The following TOX variants were observed in gnomAD, a reference collection of about 807,000 sequenced individuals.
TOX encodes the protein thymocyte selection-associated high mobility group box protein TOX.
TOX carries 11 observed loss-of-function variants against 53.7 expected under a neutral mutation model. That is an observed-to-expected ratio of 0.20 (90% confidence interval 0.13 to 0.34). The LOEUF is 0.34. TOX is among the 10% of genes least tolerant of loss of function. The pLI is 1.00. For synonymous variants in TOX, 225 were observed against 245.3 expected, an observed-to-expected ratio of 0.92 and a Z score of 0.77; for missense variants, 570 against 664.6, an observed-to-expected ratio of 0.86 and a Z score of 1.56.
chr8:58,921,276 C>T (rs1812070903), intron 3 of TOX, among the ~76,000 whole-genome samples: 1 of 152,148 alleles, frequency 6.6e-6, no homozygotes, highest in Non-Finnish European at 1.5e-5. Context: ...GATCTATTGA[C>T]ATTAAGAATG....
chr8:58,923,867 TG>T (rs2129174989), intron 3 of TOX, among the ~76,000 whole-genome samples: 1 of 152,304 alleles, frequency 6.6e-6, no homozygotes, highest in Admixed American at 6.5e-5. Flanking sequence ...CTGTGTTGGT[TG>T]GAATGATACA....
chr8:58,912,048 C>A (rs1423880697), intron 3 of TOX, among the ~76,000 whole-genome samples: 3 of 152,196 alleles, frequency 2.0e-5, no homozygotes, highest in African/African-American at 7.2e-5. Context: ...CAGCCTTCGG[C>A]TAAAATGAAA....
At chr8:58,909,530 C>T (rs149491253) in intron 3 of TOX, among the ~76,000 whole-genome samples, 2,973 of 152,226 alleles carry the variant, frequency 0.02, 41 homozygotes, top group Middle Eastern at 0.088. Context: ...TACCAGTAAC[C>T]TAGGCCTAAC....
At chr8:58,983,052 C>A (rs986212780) in intron 1 of TOX, among the ~76,000 whole-genome samples, 1 of 152,182 alleles carries the variant, frequency 6.6e-6, no homozygotes, top group African/African-American at 2.4e-5. Context: ...ATTCTCAAAC[C>A]AGAGTGGTAT....
At chr8:59,098,672 T>C (rs1361145684) in intron 1 of TOX, among the ~76,000 whole-genome samples, 1 of 152,170 alleles carries the variant, frequency 6.6e-6, no homozygotes, top group African/African-American at 2.4e-5. Flanking sequence ...AGGAAACTGT[T>C]TTAATCAAGA....
chr8:59,056,560 T>C (rs1266206160), intron 1 of TOX, among the ~76,000 whole-genome samples: 2 of 152,216 alleles, frequency 1.3e-5, no homozygotes, highest in African/African-American at 4.8e-5. Flanking sequence ...TGCCAGGTGC[T>C]TTCTTTACAG....
intron 3 of TOX, among the ~76,000 whole-genome samples, chr8:58,924,791 C>T (rs1030655934): frequency 7.9e-5 from 12 of 152,192 alleles, no homozygotes; most frequent in African/African-American, 2.9e-4. Flanking sequence ...TGATAGATTG[C>T]CCAGGGAGAT....
chr8:58,965,899 T>TTG (rs964097015), intron 1 of TOX, among the ~76,000 whole-genome samples: 1 of 139,766 alleles, frequency 7.2e-6, no homozygotes, highest in East Asian at 2.4e-4. Flanking sequence ...TCATCGTTTT[T>TTG]TTTTTTTTTT....
chr8:58,874,036 G>A (rs1811244195), intron 3 of TOX, among the ~76,000 whole-genome samples: 1 of 134,056 alleles, frequency 7.5e-6, no homozygotes, highest in African/African-American at 3.0e-5. Context: ...ATGACAAGGA[G>A]CTGGGTCCTA....
rs1408200272 is a variant in TOX, at chr8:58,806,948, G to C, written c.*799C>G. 1 of 152,470 alleles carries C rather than the reference G, an allele frequency of 6.6e-6. No individual in the cohort carries two copies. Among genetic ancestry groups the C allele is most frequent in the African/African-American group, 2.4e-5 (1 of 41,392 alleles). 9.4% of individuals were successfully genotyped at this position (152,470 alleles called of 1,614,324 possible). The stretch of plus-strand genomic sequence containing the variant: ...GTTTCTGCATCTAATAAAATACCAG[G>C]TAAGCATTTGGCAGTTTTATACATA... On this transcript the variant is annotated 3_prime_UTR_variant, in exon 9 of 9. Transcript: ENST00000361421.
intron 1 of TOX, among the ~76,000 whole-genome samples, chr8:58,965,490 G>T (rs1812876998): frequency 6.6e-6 from 1 of 152,020 alleles, no homozygotes; most frequent in African/African-American, 2.4e-5. Flanking sequence ...GCGATATTAG[G>T]CTACCAAAAC....
At chr8:58,869,937 T>G (rs1178019616) in intron 3 of TOX, among the ~76,000 whole-genome samples, 2 of 152,032 alleles carry the variant, frequency 1.3e-5, no homozygotes, top group African/African-American at 4.8e-5. Context: ...AACTTGATTT[T>G]TAAAAATCTT....
At chr8:59,001,641 G>A (rs397467) in intron 1 of TOX, among the ~76,000 whole-genome samples, 76,203 of 152,062 alleles carry the variant, frequency 0.5, 21,236 homozygotes, top group Non-Finnish European at 0.61. Context: ...GACCTCTAGA[G>A]TTAAGAATGC....
At chr8:59,032,644 A>G (rs1814379550) in intron 1 of TOX, among the ~76,000 whole-genome samples, 2 of 152,186 alleles carry the variant, frequency 1.3e-5, no homozygotes, top group South Asian at 2.1e-4. Context: ...AGGTGCTTCA[A>G]TTACACCATT....
At chr8:58,821,425 T>A (rs1026961838) in intron 6 of TOX, among the ~76,000 whole-genome samples, 2 of 152,196 alleles carry the variant, frequency 1.3e-5, no homozygotes, top group East Asian at 1.9e-4. Context: ...TTTTGAATTT[T>A]AAAAATTTTA....
chr8:59,016,326 C>T (rs1033320988), intron 1 of TOX, among the ~76,000 whole-genome samples: 1 of 152,160 alleles, frequency 6.6e-6, no homozygotes, highest in African/African-American at 2.4e-5. Flanking sequence ...ACATAACTCA[C>T]TTTCCCCCCA....
intron 1 of TOX, among the ~76,000 whole-genome samples, chr8:58,979,829 G>C (rs1813167625): frequency 6.6e-6 from 1 of 152,138 alleles, no homozygotes; most frequent in African/African-American, 2.4e-5. Flanking sequence ...TTTTCTCTCT[G>C]TAAAATGGGG....
Position 58,838,273 on chromosome 8 carries a change from C to T in TOX, c.732G>A (p.Gly244=), listed in dbSNP as rs1166249253. The part of the protein sequence containing the change: ...GGEKRPASDM[G]KKPKTPKKKK... ...TCTTTTTGGGAGTTTTTGGTTTTTT[C>T]CCCATATCAGAGGCAGGCCGCTTCT... The change falls in exon 5 of 9, where the codon GGG becomes GGA. Residue 244 remains glycine (G), a synonymous_variant. Coordinates refer to ENST00000361421, the MANE Select transcript of TOX (RefSeq NM_014729.3). 2 of 1,613,898 alleles carry T rather than the reference C, an allele frequency of 1.2e-6. No homozygotes were observed. The highest frequency in any genetic ancestry group is 2.7e-5 in the African/African-American group (2 of 75,004).
At chr8:58,869,816 A>G (rs1402168842) in intron 3 of TOX, among the ~76,000 whole-genome samples, 1 of 152,158 alleles carries the variant, frequency 6.6e-6, no homozygotes, top group Admixed American at 6.5e-5. Flanking sequence ...AGGCTAATGA[A>G]CAAAAACTAT....
Sources: gnomAD v4.1 joint callset for allele counts (sites outside exome capture counted in the v4.1 genomes callset) on GRCh38, gnomAD v4.1.1 for gene constraint, MANE v1.5 for transcripts, NCBI Gene and HGNC (gene_info 2026-07-23, HGNC 2026-07-21) for gene names.